WWC2: variants seen among roughly 807,000 people sequenced by gnomAD.
WWC2 encodes the protein protein WWC2.
A neutral mutation model predicts 138.5 loss-of-function variants in WWC2; 101 were observed. That is an observed-to-expected ratio of 0.73 (90% CI 0.62 to 0.86). The LOEUF is 0.86. Among genes scored for constraint, WWC2 ranks in the 40% least tolerant of loss-of-function variants. The probability of loss-of-function intolerance (pLI) is 0.00; values close to 1 mark genes in which losing one functional copy is unlikely to be tolerated. For missense variants in WWC2, 1,420 were observed against 1,419.4 expected, an observed-to-expected ratio of 1.00 and a Z score of -0.01; for synonymous variants, 558 against 538.4, an observed-to-expected ratio of 1.04 and a Z score of -0.50.
At chr4:183,148,088 C>T (rs181056399) in intron 1 of WWC2, among the ~76,000 whole-genome samples, 35 of 152,256 alleles carry the variant, frequency 2.3e-4, no homozygotes, top group African/African-American at 5.5e-4. Flanking sequence ...CTTTACCTCC[C>T]GAGTACAAAA....
At chr4:183,228,751 A>T (rs1211526131) in intron 4 of WWC2, among the ~76,000 whole-genome samples, 1 of 152,092 alleles carries the variant, frequency 6.6e-6, no homozygotes, top group Non-Finnish European at 1.5e-5. Flanking sequence ...AATAAAGCTG[A>T]ACGTGTGCAT....
intron 1 of WWC2, among the ~76,000 whole-genome samples, chr4:183,136,467 T>C (rs1253987816): frequency 6.6e-6 from 1 of 152,230 alleles, no homozygotes; most frequent in African/African-American, 2.4e-5. Flanking sequence ...GGTCATTCTT[T>C]ATTCATTTTT....
At chr4:183,186,130 G>A (rs921434711) in intron 1 of WWC2, among the ~76,000 whole-genome samples, 3 of 151,934 alleles carry the variant, frequency 2.0e-5, no homozygotes, top group Non-Finnish European at 2.9e-5. Flanking sequence ...TGTATTTTTA[G>A]TAGAGACAGG....
rs574754880 is a variant in WWC2 at position 183,127,062 on chromosome 4, AG to A, written c.131+27443del. Among the ~76,000 whole-genome samples the A allele has an allele frequency of 9.2e-5, 14 of 152,256 alleles. No homozygotes were observed. In the East Asian group the frequency reaches 2.7e-3, roughly 29 times the overall value. ...AGGAAAGAGACCTTTTGATGAAGAAAGGGTCAAAGTCATGAGAATTACAAAT... is the reference window on the plus strand; with the variant it reads ...AGGAAAGAGACCTTTTGATGAAGAAAGGTCAAAGTCATGAGAATTACAAAT... On this transcript the variant is annotated intron_variant, in intron 1 of 22. Transcript: ENST00000403733.
intron 1 of WWC2, among the ~76,000 whole-genome samples, chr4:183,127,178 T>C (rs1732785334): frequency 6.6e-6 from 1 of 152,134 alleles, no homozygotes; most frequent in African/African-American, 2.4e-5. Flanking sequence ...TTTCTGATGA[T>C]TCAAAGATTA....
At chr4:183,238,202 A>G (rs1736489178) in intron 4 of WWC2, among the ~76,000 whole-genome samples, 1 of 152,158 alleles carries the variant, frequency 6.6e-6, no homozygotes, top group South Asian at 2.1e-4. Flanking sequence ...TCTCCAGGAA[A>G]GCACCTTCGT....
intron 9 of WWC2, 127 bp downstream of exon 9, chr4:183,254,126 G>A (rs2111343066): frequency 1.4e-6 from 2 of 1,399,096 alleles, no homozygotes; most frequent in East Asian, 2.4e-5. Flanking sequence ...CAGCACAAAT[G>A]GACTTTCTGT....
intron 20 of WWC2, 105 bp from the exon 21 acceptor site, chr4:183,289,288 A>G: frequency 6.8e-7 from 1 of 1,473,034 alleles, no homozygotes; most frequent in Non-Finnish European, 9.1e-7. Flanking sequence ...CCTGGCTTCT[A>G]GGGTGCAAGG....
chr4:183,120,263 C>G (rs1417478289), intron 1 of WWC2, among the ~76,000 whole-genome samples: 2 of 152,124 alleles, frequency 1.3e-5, no homozygotes, highest in African/African-American at 4.8e-5. Flanking sequence ...TGAAAAACAC[C>G]TTTATTCATG....
At chr4:183,230,478 A>T (rs1736209825) in intron 4 of WWC2, among the ~76,000 whole-genome samples, 1 of 152,366 alleles carries the variant, frequency 6.6e-6, no homozygotes, top group Admixed American at 6.5e-5. Context: ...GGAGTTCGAG[A>T]CCGGCCTGAC....
At chr4:183,193,494 T>C in intron 1 of WWC2, 105 bp from the exon 2 acceptor site, 1 of 967,846 alleles carries the variant, frequency 1.0e-6, no homozygotes, top group Non-Finnish European at 1.6e-6. Flanking sequence ...TTTTTTTCTT[T>C]AAGATTTTAA....
intron 21 of WWC2, among the ~76,000 whole-genome samples, chr4:183,300,024 C>T (rs552550795): frequency 3.9e-5 from 6 of 152,178 alleles, no homozygotes; most frequent in Admixed American, 6.5e-5. Flanking sequence ...TATTTGGTGT[C>T]CTCGTGTATT....
chr4:183,208,291 G>A lies in WWC2; in HGVS notation c.445+135G>A, dbSNP rs1415730642. 7 of 950,728 alleles carry A rather than the reference G, an allele frequency of 7.4e-6. No homozygotes were observed. The African/African-American group carries it at 8.3e-5, about 11-fold the overall frequency. The allele number at this position is 950,728 out of a possible 1,614,324, so 58.9% of individuals were successfully genotyped here. ...GCAGGAAGAGTCTCTCAAAACCATT[G>A]AGAGGTGAGGGCACACCCCAGATTT... On this transcript the variant is annotated intron_variant, in intron 3 of 22. Coordinates refer to ENST00000403733, the MANE Select transcript of WWC2 (RefSeq NM_024949.6).
At chr4:183,102,788 C>T (rs528518295) in intron 1 of WWC2, among the ~76,000 whole-genome samples, 5 of 151,280 alleles carry the variant, frequency 3.3e-5, no homozygotes, top group South Asian at 4.2e-4. Context: ...ACCCCCTCTT[C>T]TTTTGCTCAC....
Position 183,315,804 on chromosome 4 carries a change from T to C in WWC2, c.*75T>C. 7.7e-7 allele frequency: 1 copy of C among 1,301,520 alleles called. No individual in the cohort carries two copies. Among genetic ancestry groups the C allele is most frequent in the Non-Finnish European group, 1.1e-6 (1 of 945,446 alleles). 80.6% of individuals were successfully genotyped at this position (1,301,520 alleles called of 1,614,324 possible). A position where few individuals can be genotyped will look rare whatever the true frequency, so the allele number is the denominator to read the frequency against. ...GGTAAAAGACTGAAGATTTGTGTTTTTGTTTTGGTGTTTGGTTTTTTTTGG... is the reference window on the plus strand; with the variant it reads ...GGTAAAAGACTGAAGATTTGTGTTTCTGTTTTGGTGTTTGGTTTTTTTTGG... On this transcript the variant is annotated 3_prime_UTR_variant, in exon 23 of 23. Transcript: ENST00000403733.
At chr4:183,152,531 A>T (rs1579991229) in intron 1 of WWC2, among the ~76,000 whole-genome samples, 1 of 83,348 alleles carries the variant, frequency 1.2e-5, no homozygotes, top group Non-Finnish European at 2.5e-5. Flanking sequence ...AGTGAAACTT[A>T]AAAAAAAAAA....
chr4:183,305,551 G>C (rs1480975120), intron 21 of WWC2, among the ~76,000 whole-genome samples: 1 of 152,094 alleles, frequency 6.6e-6, no homozygotes, highest in Non-Finnish European at 1.5e-5. Flanking sequence ...ACAAAGACAA[G>C]TATTATATGT....
At chr4:183,296,882 C>T (rs374216309) in intron 21 of WWC2, among the ~76,000 whole-genome samples, 2 of 131,856 alleles carry the variant, frequency 1.5e-5, no homozygotes, top group African/African-American at 3.0e-5. Flanking sequence ...TGCAGTGAGC[C>T]GAGATCGCAC....
intron 11 of WWC2, among the ~76,000 whole-genome samples, chr4:183,264,618 C>T (rs1438376219): frequency 6.6e-6 from 1 of 152,144 alleles, no homozygotes; most frequent in East Asian, 1.9e-4. Context: ...ATAGAAATGT[C>T]ACTTGAGGGA....
Sources: gnomAD v4.1 joint callset for allele counts (sites outside exome capture counted in the v4.1 genomes callset) on GRCh38, gnomAD v4.1.1 for gene constraint, MANE v1.5 for transcripts, NCBI Gene and HGNC (gene_info 2026-07-23, HGNC 2026-07-21) for gene names.